Variants in NCOA2 observed in about 807,000 individuals in gnomAD.
The protein encoded by NCOA2 is nuclear receptor coactivator 2, also known as class E basic helix-loop-helix protein 75.
In NCOA2, 21 loss-of-function variants were observed where a neutral mutation model predicts 145.1. That is an observed-to-expected ratio of 0.14 (90% CI 0.10 to 0.21). NCOA2 has a LOEUF of 0.21. Ranked by LOEUF, NCOA2 falls within the 10% of genes least tolerant of loss-of-function variation. The pLI, the probability that NCOA2 is intolerant of heterozygous loss-of-function variation, is 1.00. For missense variants in NCOA2, 1,472 were observed against 1,837.6 expected (o/e 0.80, Z 3.64); for synonymous variants, 619 against 637.5 (o/e 0.97, Z 0.44).
At chr8:70,308,512 A>T (rs535803261) in intron 1 of NCOA2, among the ~76,000 whole-genome samples, 5 of 152,048 alleles carry the variant, frequency 3.3e-5, no homozygotes, top group South Asian at 4.1e-4. Context: ...TATATATATA[A>T]AACATGTATA....
chr8:70,347,646 G>A lies in NCOA2; in HGVS notation c.-76-50846C>T, dbSNP rs113226447. 4.2e-3 allele frequency among the ~76,000 whole-genome samples: 642 copies of A among 152,134 alleles called. 6 individuals carry two copies. Among genetic ancestry groups the A allele is most frequent in the African/African-American group, 0.015 (612 of 41,518 alleles). Reference sequence around the variant, plus strand: ...TTGCACTCCAGCTGGGTGACAAAGCGAGACCTTGTCTTAAAAAAATTTTTA... The same window carrying A: ...TTGCACTCCAGCTGGGTGACAAAGCAAGACCTTGTCTTAAAAAAATTTTTA... On this transcript the variant is annotated intron_variant, in intron 1 of 22. Transcript: ENST00000452400.
intron 1 of NCOA2, among the ~76,000 whole-genome samples, chr8:70,368,423 G>C (rs185219217): frequency 2.5e-3 from 385 of 152,216 alleles, no homozygotes; most frequent in Admixed American, 5.9e-3. Flanking sequence ...ATCTCAAAGG[G>C]GAGTAATGGA....
chr8:70,395,956 A>G (rs987096711), intron 1 of NCOA2, among the ~76,000 whole-genome samples: 1 of 152,232 alleles, frequency 6.6e-6, no homozygotes, highest in Non-Finnish European at 1.5e-5. Context: ...TGCTGATCCT[A>G]TATGTGCAGG....
At chr8:70,118,030 G>A (rs1358245225) in intron 22 of NCOA2, among the ~76,000 whole-genome samples, 1 of 152,124 alleles carries the variant, frequency 6.6e-6, no homozygotes, top group Non-Finnish European at 1.5e-5. Context: ...GGTGGCAGAC[G>A]GGGCCCATGC....
intron 10 of NCOA2, among the ~76,000 whole-genome samples, chr8:70,158,528 T>G (rs992273250): frequency 2.0e-5 from 3 of 152,208 alleles, no homozygotes; most frequent in Admixed American, 2.0e-4. Context: ...AATATATACA[T>G]AGAAAGTTCT....
rs973807042 is a variant in NCOA2, at chr8:70,311,069, G to C, written c.-76-14269C>G. Among the ~76,000 whole-genome samples, 6 of 152,006 alleles carry C rather than the reference G, an allele frequency of 3.9e-5. No individual in the cohort carries two copies. The South Asian group carries it at 1.2e-3, about 32-fold the overall frequency. The stretch of plus-strand genomic sequence containing the variant: ...CATTAGCACCTAGCACAATGTCTCG[G>C]TAGTAGATTCTCAGCAATTGTCTGT... On this transcript the variant is annotated intron_variant, in intron 1 of 22. Coordinates refer to ENST00000452400, the MANE Select transcript of NCOA2 (RefSeq NM_006540.4).
At chr8:70,370,459 T>TA (rs1472913866) in intron 1 of NCOA2, among the ~76,000 whole-genome samples, 1 of 152,222 alleles carries the variant, frequency 6.6e-6, no homozygotes, top group Non-Finnish European at 1.5e-5. Context: ...TTGTGGCAGC[T>TA]AAAAGGACTC....
At chr8:70,298,479 T>C (rs961224461) in intron 1 of NCOA2, among the ~76,000 whole-genome samples, 1 of 152,200 alleles carries the variant, frequency 6.6e-6, no homozygotes, top group Non-Finnish European at 1.5e-5. Flanking sequence ...TCCACTCAAG[T>C]GGCAGTCAGT....
At chr8:70,344,792 C>T (rs909388569) in intron 1 of NCOA2, among the ~76,000 whole-genome samples, 8 of 152,116 alleles carry the variant, frequency 5.3e-5, no homozygotes, top group African/African-American at 1.9e-4. Context: ...TGCTTATTAA[C>T]AAAACTTCAA....
At chr8:70,242,450 G>C (rs1311087833) in intron 2 of NCOA2, among the ~76,000 whole-genome samples, 1 of 152,118 alleles carries the variant, frequency 6.6e-6, no homozygotes, top group African/African-American at 2.4e-5. Context: ...GGTGAAAAGA[G>C]CCATCACTAC....
intron 2 of NCOA2, among the ~76,000 whole-genome samples, chr8:70,280,439 A>G (rs1169717492): frequency 6.6e-6 from 1 of 152,206 alleles, no homozygotes; most frequent in Non-Finnish European, 1.5e-5. Flanking sequence ...CTCAGAAATC[A>G]ATTTGCTGAA....
intron 1 of NCOA2, among the ~76,000 whole-genome samples, chr8:70,314,058 T>C (rs903014058): frequency 6.6e-6 from 1 of 150,972 alleles, no homozygotes; most frequent in Non-Finnish European, 1.5e-5. Context: ...CGGACGCCTA[T>C]AGTCCCAGCT....
intron 9 of NCOA2, among the ~76,000 whole-genome samples, chr8:70,161,017 T>A (rs1319444944): frequency 6.6e-6 from 1 of 152,244 alleles, no homozygotes; most frequent in Non-Finnish European, 1.5e-5. Context: ...CATTTCCTCT[T>A]GGTCTACATC....
At chr8:70,137,669 A>G (rs1809892595) in intron 15 of NCOA2, among the ~76,000 whole-genome samples, 1 of 152,178 alleles carries the variant, frequency 6.6e-6, no homozygotes, top group South Asian at 2.1e-4. Flanking sequence ...ATGGCTATCT[A>G]CCTGGGGCAT....
At chr8:70,242,334 C>T (rs1179947109) in intron 2 of NCOA2, among the ~76,000 whole-genome samples, 1 of 152,042 alleles carries the variant, frequency 6.6e-6, no homozygotes, top group Admixed American at 6.6e-5. Flanking sequence ...ACATACATAG[C>T]AATAACCATG....
At position 70,216,747 on chromosome 8, in the gene NCOA2, T is replaced by G. The variant is rs917086621; in HGVS notation, c.-2A>C. 2 of 1,606,586 alleles carry G rather than the reference T, an allele frequency of 1.2e-6. No individual in the cohort carries two copies. The highest frequency in any genetic ancestry group is 1.7e-6 in the Non-Finnish European group (2 of 1,173,222). ...GGTATTTTCTCCCATCCCACTCATC[T>G]TGAACACATATCAGCAACTAAAACA... On this transcript the variant is annotated 5_prime_UTR_variant, in exon 3 of 23. Coordinates refer to ENST00000452400, the MANE Select transcript of NCOA2 (RefSeq NM_006540.4).
chr8:70,215,265 G>C (rs1490492572), intron 3 of NCOA2, among the ~76,000 whole-genome samples: 1 of 152,092 alleles, frequency 6.6e-6, no homozygotes, highest in East Asian at 1.9e-4. Context: ...CACAAGGTAA[G>C]AAATAAATGA....
the NCOA2 span, among the ~76,000 whole-genome samples, chr8:70,444,484 C>T: frequency 2.9e-4 from 44 of 152,294 alleles, no homozygotes; most frequent in African/African-American, 1.0e-3. Flanking sequence ...TGAGTATATA[C>T]ACACACCCCT....
At chr8:70,190,784 A>G (rs1395726814) in intron 4 of NCOA2, among the ~76,000 whole-genome samples, 1 of 152,346 alleles carries the variant, frequency 6.6e-6, no homozygotes, top group Admixed American at 6.5e-5. Flanking sequence ...TGAACCCAGG[A>G]GGCAGAGGTT....
Sources: allele counts gnomAD v4.1 joint callset (sites outside exome capture counted in the v4.1 genomes callset), GRCh38; gene constraint gnomAD v4.1.1; transcripts MANE v1.5; gene names NCBI Gene and HGNC (gene_info 2026-07-23, HGNC 2026-07-21).